The following ADAMTS17 variants were observed in gnomAD, a reference collection of about 807,000 sequenced individuals.
The protein encoded by ADAMTS17 is A disintegrin and metalloproteinase with thrombospondin motifs 17.
A neutral mutation model predicts 141.5 loss-of-function variants in ADAMTS17; 113 were observed. The ratio of observed to expected loss-of-function variants is 0.80; its 90% CI spans 0.69 to 0.93. The LOEUF (loss-of-function observed/expected upper bound fraction) is 0.93. Among genes scored for constraint, ADAMTS17 ranks in the 40% least tolerant of loss-of-function variants. The pLI is 0.00. For synonymous variants in ADAMTS17, 768 were observed against 630.6 expected, an observed-to-expected ratio of 1.22 and a Z score of -3.27; for missense variants, 1,659 against 1,517.9, an observed-to-expected ratio of 1.09 and a Z score of -1.54.
intron 8 of ADAMTS17, among the ~76,000 whole-genome samples, chr15:100,159,094 T>G (rs2039572306): frequency 6.6e-6 from 1 of 152,280 alleles, no homozygotes; most frequent in East Asian, 1.9e-4. Flanking sequence ...ATAAAACTAC[T>G]GCATGATCCA....
chr15:100,052,036 C>T (rs1403270610), intron 16 of ADAMTS17, among the ~76,000 whole-genome samples: 1 of 152,252 alleles, frequency 6.6e-6, no homozygotes, highest in African/African-American at 2.4e-5. Context: ...TCTCACTGCA[C>T]TTTTGATGGA....
chr15:100,263,378 A>G (rs773243607), intron 4 of ADAMTS17, among the ~76,000 whole-genome samples: 29 of 152,222 alleles, frequency 1.9e-4, no homozygotes, highest in Non-Finnish European at 3.7e-4. Context: ...AAAGGTCCAC[A>G]TTCCTTCTTT....
intron 3 of ADAMTS17, among the ~76,000 whole-genome samples, chr15:100,283,128 C>T (rs553923293): frequency 6.6e-6 from 1 of 152,278 alleles, no homozygotes; most frequent in African/African-American, 2.4e-5. Flanking sequence ...CAGAAGCTCT[C>T]GAGGGAGAAA....
intron 18 of ADAMTS17, among the ~76,000 whole-genome samples, chr15:100,001,618 G>A (rs2060924981): frequency 6.6e-6 from 1 of 152,150 alleles, no homozygotes; most frequent in African/African-American, 2.4e-5. Flanking sequence ...CAGGCAGTGT[G>A]TGAGAAATCT....
At chr15:100,156,465 T>C (rs545248755) in intron 8 of ADAMTS17, among the ~76,000 whole-genome samples, 2 of 152,348 alleles carry the variant, frequency 1.3e-5, no homozygotes, top group South Asian at 2.1e-4. Flanking sequence ...CTGGCGCTCA[T>C]GTGTTCTGGA....
chr15:100,292,213 AC>A (rs1309770742), intron 3 of ADAMTS17, among the ~76,000 whole-genome samples: 6 of 150,590 alleles, frequency 4.0e-5, no homozygotes, highest in African/African-American at 1.5e-4. Context: ...AGACACGCTC[AC>A]CCCGTGGGGA....
intron 8 of ADAMTS17, among the ~76,000 whole-genome samples, chr15:100,196,718 C>G (rs1294372347): frequency 1.3e-5 from 2 of 152,254 alleles, no homozygotes; most frequent in African/African-American, 4.8e-5. Context: ...GTCTGTGAAA[C>G]AGCCTGGCCG....
chr15:100,300,837 T>G (rs1206943032), intron 3 of ADAMTS17, among the ~76,000 whole-genome samples: 1 of 152,222 alleles, frequency 6.6e-6, no homozygotes, highest in Non-Finnish European at 1.5e-5. Flanking sequence ...TCACATAACT[T>G]GTATGTACAC....
intron 20 of ADAMTS17, among the ~76,000 whole-genome samples, chr15:99,982,815 G>A (rs1039099827): frequency 2.6e-5 from 4 of 152,166 alleles, no homozygotes; most frequent in African/African-American, 9.7e-5. Context: ...AGTGAGTGGA[G>A]CCCCCTCCCC....
chr15:100,059,925 C>G (rs956061189), intron 15 of ADAMTS17, among the ~76,000 whole-genome samples: 2 of 152,184 alleles, frequency 1.3e-5, no homozygotes, highest in Non-Finnish European at 2.9e-5. Flanking sequence ...AAGTTCCTGT[C>G]CCCTCAAACC....
intron 15 of ADAMTS17, among the ~76,000 whole-genome samples, chr15:100,087,860 T>A (rs1254576420): frequency 6.6e-6 from 1 of 152,230 alleles, no homozygotes; most frequent in Non-Finnish European, 1.5e-5. Context: ...GAGCTATCTA[T>A]GACAAACCCA....
At chr15:99,976,355 G>A (rs1228209296) in intron 20 of ADAMTS17, 133 bp from the exon 21 acceptor site, 9 of 1,182,478 alleles carry the variant, frequency 7.6e-6, no homozygotes, top group African/African-American at 3.1e-5. Context: ...CTGGGATGAT[G>A]GCCTCACAAT....
intron 2 of ADAMTS17, among the ~76,000 whole-genome samples, chr15:100,336,189 C>CT (rs1342781628): frequency 6.6e-6 from 1 of 152,234 alleles, no homozygotes; most frequent in African/African-American, 2.4e-5. Flanking sequence ...GGTGGGCAGC[C>CT]TGGTGCAGGA....
chr15:100,039,369 A>G (rs557199029), intron 18 of ADAMTS17, among the ~76,000 whole-genome samples: 28 of 152,116 alleles, frequency 1.8e-4, no homozygotes, highest in Non-Finnish European at 3.2e-4. Flanking sequence ...TTTTCAGTAT[A>G]AGTGTTTACA....
intron 18 of ADAMTS17, among the ~76,000 whole-genome samples, chr15:100,029,933 C>T (rs564372911): frequency 6.6e-6 from 1 of 152,368 alleles, no homozygotes; most frequent in African/African-American, 2.4e-5. Context: ...TGTACTGAAT[C>T]AGAAGCTCTG....
chr15:100,077,331 G>A (rs2141782475), intron 15 of ADAMTS17, among the ~76,000 whole-genome samples: 1 of 148,312 alleles, frequency 6.7e-6, no homozygotes, highest in African/African-American at 2.5e-5. Context: ...GCATGGTGGT[G>A]CGTGCCTGTA....
intron 2 of ADAMTS17, among the ~76,000 whole-genome samples, chr15:100,331,898 T>C (rs896804866): frequency 6.6e-6 from 1 of 152,106 alleles, no homozygotes; most frequent in Non-Finnish European, 1.5e-5. Flanking sequence ...GGACCACACT[T>C]GGAGAAACAG....
chr15:100,128,277 G>A (rs9672401), intron 12 of ADAMTS17: 1 of 152,068 alleles, frequency 6.6e-6, no homozygotes, highest in Non-Finnish European at 1.5e-5. Flanking sequence ...CAGGCCCACA[G>A]CTAGCAGAGT....
chr15:100,206,026 G>A (rs1340034715), intron 7 of ADAMTS17, among the ~76,000 whole-genome samples: 2 of 152,162 alleles, frequency 1.3e-5, no homozygotes, highest in African/African-American at 2.4e-5. Flanking sequence ...CACAGCTGAG[G>A]GCCCCTCAGT....
Sources: allele counts gnomAD v4.1 joint callset (sites outside exome capture counted in the v4.1 genomes callset), GRCh38; gene constraint gnomAD v4.1.1; transcripts MANE v1.5; gene names NCBI Gene and HGNC (gene_info 2026-07-23, HGNC 2026-07-21).